Variants in PITPNB observed in about 807,000 individuals in gnomAD.
PITPNB encodes phosphatidylinositol transfer protein beta isoform.
Under a neutral mutation model 45.9 loss-of-function variants are expected in PITPNB, and 16 were observed. The observed-to-expected ratio is 0.35, with a 90% CI of 0.24 to 0.53. The LOEUF (loss-of-function observed/expected upper bound fraction) is 0.53. Ranked by LOEUF, PITPNB falls within the 20% of genes least tolerant of loss-of-function variation. The pLI is 0.93. For synonymous variants in PITPNB, 112 were observed against 108.9 expected (o/e 1.03, Z -0.18); for missense variants, 188 against 330.5 (o/e 0.57, Z 3.34).
chr22:27,876,571 T>C (rs1934826287), intron 7 of PITPNB, among the ~76,000 whole-genome samples: 1 of 152,196 alleles, frequency 6.6e-6, no homozygotes, highest in African/African-American at 2.4e-5. Flanking sequence ...TGCAAGATAT[T>C]AAGAAGCAGG....
At chr22:27,873,651 T>C (rs1934735101) in intron 8 of PITPNB, 87 bp downstream of exon 8, 1 of 805,598 alleles carries the variant, frequency 1.2e-6, no homozygotes, top group Non-Finnish European at 2.1e-6. Flanking sequence ...ATTTTTCACT[T>C]AAACGTCACC....
intron 6 of PITPNB, among the ~76,000 whole-genome samples, chr22:27,895,546 C>A (rs1360615099): frequency 6.6e-6 from 1 of 151,238 alleles, no homozygotes. Flanking sequence ...GCAGACAGCA[C>A]GTGATTGCAC....
At chr22:27,882,464 C>G (rs1456337856) in intron 7 of PITPNB, among the ~76,000 whole-genome samples, 1 of 152,102 alleles carries the variant, frequency 6.6e-6, no homozygotes, top group South Asian at 2.1e-4. Context: ...TTCTTACTAC[C>G]AAGACATACT....
intron 3 of PITPNB, among the ~76,000 whole-genome samples, chr22:27,905,133 A>AT (rs35223735): frequency 0.02 from 3,006 of 152,210 alleles, 89 homozygotes; most frequent in African/African-American, 0.064. Context: ...TGTTTGGCTG[A>AT]TATTTATAAA....
intron 2 of PITPNB, among the ~76,000 whole-genome samples, chr22:27,913,110 A>C (rs1676913993): frequency 6.6e-6 from 1 of 152,212 alleles, no homozygotes; most frequent in South Asian, 2.1e-4. Flanking sequence ...AATCAAAAGA[A>C]AAAGTCTAAC....
At chr22:27,903,391 C>T (rs200308697) in intron 3 of PITPNB, among the ~76,000 whole-genome samples, 2 of 151,184 alleles carry the variant, frequency 1.3e-5, no homozygotes, top group East Asian at 3.9e-4. Flanking sequence ...AGCTCTTGAA[C>T]CCGGAAGGCG....
chr22:27,876,963 T>C (rs1034443785), intron 7 of PITPNB, among the ~76,000 whole-genome samples: 1 of 152,238 alleles, frequency 6.6e-6, no homozygotes, highest in Non-Finnish European at 1.5e-5. Flanking sequence ...TCATTAGTTC[T>C]TTTAGAATAC....
At chr22:27,906,600 T>C (rs1479620363) in intron 3 of PITPNB, among the ~76,000 whole-genome samples, 1 of 152,216 alleles carries the variant, frequency 6.6e-6, no homozygotes, top group Non-Finnish European at 1.5e-5. Context: ...TAAACCTTTC[T>C]GGACCTCAGT....
At chr22:27,879,941 T>C (rs1363437865) in intron 7 of PITPNB, among the ~76,000 whole-genome samples, 1 of 152,098 alleles carries the variant, frequency 6.6e-6, no homozygotes, top group Non-Finnish European at 1.5e-5. Flanking sequence ...TAACAAATAT[T>C]CAACATGAAA....
intron 7 of PITPNB, among the ~76,000 whole-genome samples, chr22:27,890,527 G>A (rs1935244385): frequency 6.6e-6 from 1 of 151,802 alleles, no homozygotes; most frequent in Non-Finnish European, 1.5e-5. Flanking sequence ...ACAGATGAAC[G>A]TATGAAGCTG....
chr22:27,873,520 G>A (rs1439480071), intron 8 of PITPNB, among the ~76,000 whole-genome samples: 1 of 152,248 alleles, frequency 6.6e-6, no homozygotes, highest in Non-Finnish European at 1.5e-5. Context: ...TATTGGAGCT[G>A]CATTATGCTG....
At chr22:27,870,273 G>A (rs1322170117) in intron 8 of PITPNB, among the ~76,000 whole-genome samples, 1 of 152,294 alleles carries the variant, frequency 6.6e-6, no homozygotes. Context: ...ATGTAACCTT[G>A]TATAGTACCT....
At chr22:27,896,522 T>C (rs779333133) in intron 6 of PITPNB, 30 bp downstream of exon 6, 95 of 1,462,774 alleles carry the variant, frequency 6.5e-5, no homozygotes, top group Admixed American at 1.8e-4. Context: ...CCAGGGACTT[T>C]TGTACTAAAA....
chr22:27,884,971 G>A (rs753550338), intron 7 of PITPNB, among the ~76,000 whole-genome samples: 45 of 149,970 alleles, frequency 3.0e-4, no homozygotes, highest in South Asian at 6.3e-4. Context: ...ATCCTTTCTT[G>A]TTATACATAA....
At chr22:27,896,932 T>C in intron 5 of PITPNB, 198 bp downstream of exon 5, 1 of 625,608 alleles carries the variant, frequency 1.6e-6, no homozygotes, top group Non-Finnish European at 2.9e-6. Flanking sequence ...ATAAAATCAA[T>C]AGGGAGATTT....
At position 27,858,554 on chromosome 22, in the gene PITPNB, T is replaced by A. The variant is rs974873777; in HGVS notation, c.646-45A>T. ...AAAGTAGCATAAGATGACAAAAACC[T>A]AAGATTAATGACACATTAACTTTAC... On this transcript the variant is annotated intron_variant, in intron 9 of 11. Coordinates refer to ENST00000335272, the MANE Select transcript of PITPNB (RefSeq NM_012399.5). 2.2e-5 allele frequency: 33 copies of A among 1,516,434 alleles called. 1 individual carries two copies. The African/African-American group carries it at 4.3e-4, about 20-fold the overall frequency. 93.9% of individuals were successfully genotyped at this position (1,516,434 alleles called of 1,614,324 possible).
intron 1 of PITPNB, among the ~76,000 whole-genome samples, chr22:27,916,982 G>A (rs1248358368): frequency 1.3e-5 from 2 of 152,070 alleles, no homozygotes; most frequent in Admixed American, 6.5e-5. Flanking sequence ...GAATTCTTTA[G>A]AGCATGTTAG....
At chr22:27,880,325 A>G (rs1934933323) in intron 7 of PITPNB, among the ~76,000 whole-genome samples, 1 of 152,204 alleles carries the variant, frequency 6.6e-6, no homozygotes, top group Non-Finnish European at 1.5e-5. Flanking sequence ...CTTAAAAAAG[A>G]GTTTACATGG....
chr22:27,884,968 CTT>C (rs1194698315), intron 7 of PITPNB, among the ~76,000 whole-genome samples: 3 of 150,554 alleles, frequency 2.0e-5, no homozygotes, highest in African/African-American at 7.3e-5. Flanking sequence ...ACAATCCTTT[CTT>C]GTTATACATA....
Sources: allele counts gnomAD v4.1 joint callset (sites outside exome capture counted in the v4.1 genomes callset), GRCh38; gene constraint gnomAD v4.1.1; transcripts MANE v1.5; gene names NCBI Gene and HGNC (gene_info 2026-07-23, HGNC 2026-07-21).